The following DNAH2 variants were observed in gnomAD, a reference collection of about 807,000 sequenced individuals.
DNAH2 encodes axonemal beta dynein heavy chain 2.
A neutral mutation model predicts 523.5 loss-of-function variants in DNAH2; 323 were observed. That is an observed-to-expected ratio of 0.62 (90% CI 0.56 to 0.68). The LOEUF (loss-of-function observed/expected upper bound fraction) is 0.68, where lower values mean the gene tolerates loss of function less well. DNAH2 is among the 30% of genes least tolerant of loss of function. The probability of loss-of-function intolerance (pLI) is 0.00; values close to 1 mark genes in which losing one functional copy is unlikely to be tolerated. For missense variants in DNAH2, 4,907 were observed against 5,701.5 expected (o/e 0.86, Z 4.49); for synonymous variants, 2,093 against 2,177.4 (o/e 0.96, Z 1.08).
intron 61 of DNAH2, among the ~76,000 whole-genome samples, chr17:7,806,726 A>G (rs537680056): frequency 6.6e-6 from 1 of 151,444 alleles, no homozygotes; most frequent in South Asian, 2.1e-4. Flanking sequence ...GAATGCCCTC[A>G]GGCCCCCAGA....
rs71159523 is a variant in DNAH2, at chr17:7,721,004, C to CTTT, written c.166+1124_166+1126dup. ...GCTCCAAGCTTTCTTTTCTTTCTTT[C>CTTT]TTTTTTTTTTTTTTTTTTTTTTGAG... is the stretch of plus-strand genomic sequence containing the variant. On this transcript the variant is annotated intron_variant, in intron 2 of 85. Transcript: ENST00000572933. Among the ~76,000 whole-genome samples the CTTT allele has an allele frequency of 3.5e-3, 389 of 109,662 alleles. 1 individual carries two copies. Among genetic ancestry groups the CTTT allele is most frequent in the African/African-American group, 4.9e-3 (151 of 30,546 alleles). 71.9% of individuals were successfully genotyped at this position (109,662 alleles called of 152,430 possible).
In DNAH2 at chr17:7,830,257, G is replaced by A. The variant is rs773479533; in HGVS notation, c.11854-43G>A. On this transcript the variant is annotated intron_variant, in intron 77 of 85. Transcript: ENST00000572933. ...ATGGCAGTGCTAGTGGCAGGTCTGA[G>A]TGTGATGCATGTCACCCCATCTTTA... 3.8e-6 allele frequency: 6 copies of A among 1,575,260 alleles called. No homozygotes were observed. The Admixed American group carries it at 5.2e-5, about 14-fold the overall frequency.
chr17:7,732,884 G>A (rs1386961969), intron 4 of DNAH2, among the ~76,000 whole-genome samples: 1 of 152,110 alleles, frequency 6.6e-6, no homozygotes, highest in Non-Finnish European at 1.5e-5. Flanking sequence ...CTACTCTCAA[G>A]GCATACTCTC....
In DNAH2 at chr17:7,804,481, C is replaced by T; in HGVS notation, c.9183+15C>T. On this transcript the variant is annotated intron_variant, in intron 59 of 85. Coordinates refer to ENST00000572933, the MANE Select transcript of DNAH2 (RefSeq NM_020877.5). ...AGCAGCAGAAGGTCCAGGGCCCACG[C>T]CCACCCCCCGTGCCCCACTCCCACC... 2 of 1,610,880 alleles carry T rather than the reference C, an allele frequency of 1.2e-6. No individual in the cohort carries two copies. Among genetic ancestry groups the T allele is most frequent in the Non-Finnish European group, 1.7e-6 (2 of 1,179,110 alleles).
At chr17:7,721,235 G>T (rs1411759346) in intron 2 of DNAH2, among the ~76,000 whole-genome samples, 1 of 151,792 alleles carries the variant, frequency 6.6e-6, no homozygotes, top group East Asian at 1.9e-4. Context: ...GTGCAGTGGT[G>T]CGATCTCAGT....
At position 7,765,559 on chromosome 17, in the gene DNAH2, T is replaced by C. The variant is rs746244952; in HGVS notation, c.3505T>C (p.Phe1169Leu). ...KAHTLLEDFEFKGHFTSNVGY... is the reference protein window; with the variant it reads ...KAHTLLEDFELKGHFTSNVGY... ...ACATACACTTCTGGAAGATTTCGAA[T>C]TCAAAGGTACTCCTTGATCCACCTC... is the stretch of plus-strand genomic sequence containing the variant. The change falls in exon 21 of 86, where the codon TTC (phenylalanine) becomes CTC (leucine). Residue 1169 changes from phenylalanine (F) to leucine (L), a missense_variant. Transcript: ENST00000572933. 6.8e-6 allele frequency: 11 copies of C among 1,612,782 alleles called. No individual in the cohort carries two copies. The South Asian group carries it at 1.1e-4, about 16-fold the overall frequency.
chr17:7,734,451 T>A lies in DNAH2; in HGVS notation c.740-19T>A. The A allele has an allele frequency of 6.2e-7, 1 of 1,611,890 alleles. No individual in the cohort carries two copies. The highest frequency in any genetic ancestry group is 8.5e-7 in the Non-Finnish European group (1 of 1,178,944). The stretch of plus-strand genomic sequence containing the variant: ...AGCAGTGTGAAGAAACGAAGGAGAT[T>A]TTGTACTCTCCCCTGCAGCCTCCAT... On this transcript the variant is annotated intron_variant, in intron 6 of 85. Transcript: ENST00000572933.
chr17:7,813,940 A>C (rs1176398106), intron 63 of DNAH2, among the ~76,000 whole-genome samples: 1 of 152,082 alleles, frequency 6.6e-6, no homozygotes, highest in Admixed American at 6.5e-5. Context: ...TATTCAAAAA[A>C]ATATGTGAGT....
In DNAH2 at chr17:7,818,312, G is replaced by A. The variant is rs2077743373; in HGVS notation, c.10388G>A (p.Gly3463Asp). 2 of 1,613,922 alleles carry A rather than the reference G, an allele frequency of 1.2e-6. No individual in the cohort carries two copies. The highest frequency in any genetic ancestry group is 1.1e-5 in the South Asian group (1 of 91,068). The change falls in exon 69 of 86, where the codon GGT becomes GAT. Residue 3463 changes from glycine to aspartate, a missense_variant and splice_region_variant. By Grantham distance (94) the Gly-to-Asp change is moderately conservative. Coordinates refer to ENST00000572933, the MANE Select transcript of DNAH2 (RefSeq NM_020877.5). ...GCCCCTGACCCTTCCGTGGATGCAG[G>A]TGGTCGGCTGTTGATGCGCATTGGC... ...PMLNKSVARI[G>D]GRLLMRIGDK...
chr17:7,739,769 G>T lies in DNAH2; in HGVS notation c.1207G>T (p.Asp403Tyr), dbSNP rs1469022446. 1 of 1,613,718 alleles carries T rather than the reference G, an allele frequency of 6.2e-7. No homozygotes were observed. The highest frequency in any genetic ancestry group is 1.3e-5 in the African/African-American group (1 of 74,908). The change falls in exon 9 of 86, where the codon GAT becomes TAT. Residue 403 changes from aspartate to tyrosine, a missense_variant. By Grantham distance (160) the Asp-to-Tyr change is radical (BLOSUM62 -3). This residue lies in a region of DNAH2 where 2,806 missense variants were observed against 3,190.8 expected (regional missense o/e 0.88). Transcript: ENST00000572933. ...TCAGTATCACTTCGCCCGCTGGGAA[G>T]ATGGCAAGCAGGGTCCCCTTCCTTG... ...DCQYHFARWE[D>Y]GKQGPLPCFF...
intron 4 of DNAH2, among the ~76,000 whole-genome samples, chr17:7,727,845 T>C (rs947790138): frequency 4.6e-5 from 7 of 151,362 alleles, no homozygotes; most frequent in Admixed American, 2.0e-4. Flanking sequence ...TTTGTGATCA[T>C]GGGCAAAGCT....
At chr17:7,724,609 ACT>A (rs1222609398) in intron 3 of DNAH2, among the ~76,000 whole-genome samples, 4 of 152,024 alleles carry the variant, frequency 2.6e-5, no homozygotes, top group Non-Finnish European at 1.5e-5. Flanking sequence ...TAAGAGCAAA[ACT>A]CTGTCTCAAA....
At chr17:7,720,744 A>C (rs991715922) in intron 2 of DNAH2, among the ~76,000 whole-genome samples, 1 of 152,188 alleles carries the variant, frequency 6.6e-6, no homozygotes, top group Non-Finnish European at 1.5e-5. Flanking sequence ...TCCCTGGGCC[A>C]TAAGAACTTG....
At chr17:7,744,104 G>A (rs978449014) in intron 12 of DNAH2, among the ~76,000 whole-genome samples, 2 of 151,958 alleles carry the variant, frequency 1.3e-5, no homozygotes, top group Non-Finnish European at 2.9e-5. Flanking sequence ...CTTGAGCCTG[G>A]CCAGCATGGC....
At chr17:7,763,012 G>T (rs1422010139) in intron 18 of DNAH2, among the ~76,000 whole-genome samples, 3 of 151,364 alleles carry the variant, frequency 2.0e-5, no homozygotes, top group African/African-American at 7.3e-5. Context: ...GTCTCACCCT[G>T]TCACCCAGGC....
At chr17:7,736,095 T>C (rs1363980455) in intron 7 of DNAH2, among the ~76,000 whole-genome samples, 1 of 151,648 alleles carries the variant, frequency 6.6e-6, no homozygotes, top group African/African-American at 2.4e-5. Flanking sequence ...CACTATGTTG[T>C]CCAGGCTGGT....
rs567760969 is a variant in DNAH2 at position 7,740,013 on chromosome 17, G to A, written c.1376+75G>A. 7.9e-6 allele frequency: 11 copies of A among 1,384,070 alleles called. No homozygotes were observed. The African/African-American group carries it at 8.9e-5, about 11-fold the overall frequency. The allele number at this position is 1,384,070 out of a possible 1,614,324, so 85.7% of individuals were successfully genotyped here. A position where few individuals can be genotyped will look rare whatever the true frequency, so the allele number is the denominator to read the frequency against. ...GGCAGCCAAGAGTGGGAGGAGTGGCGAGAGTATGCAAAGGAAATGGTGGAA... is the reference window on the plus strand; with the variant it reads ...GGCAGCCAAGAGTGGGAGGAGTGGCAAGAGTATGCAAAGGAAATGGTGGAA... On this transcript the variant is annotated intron_variant, in intron 9 of 85. Coordinates refer to ENST00000572933, the MANE Select transcript of DNAH2 (RefSeq NM_020877.5).
chr17:7,809,436 C>T (rs1424482464), intron 63 of DNAH2, among the ~76,000 whole-genome samples: 1 of 152,154 alleles, frequency 6.6e-6, no homozygotes, highest in East Asian at 1.9e-4. Context: ...AACGGGGCTT[C>T]TCTCTGCACC....
chr17:7,821,128 G>C lies in DNAH2; in HGVS notation c.11016-115G>C. 1 of 1,426,650 alleles carries C rather than the reference G, an allele frequency of 7.0e-7. No individual in the cohort carries two copies. Among genetic ancestry groups the C allele is most frequent in the Non-Finnish European group, 9.4e-7 (1 of 1,067,818 alleles). The allele number at this position is 1,426,650 out of a possible 1,614,324, so 88.4% of individuals were successfully genotyped here. A position where few individuals can be genotyped will look rare whatever the true frequency, so the allele number is the denominator to read the frequency against. On this transcript the variant is annotated intron_variant, in intron 72 of 85. Transcript: ENST00000572933. The surrounding 1 kb of genome is among the most constrained non-coding windows in gnomAD (Gnocchi z 5.0). Reference sequence around the variant, plus strand: ...AGCTGTTTCCAGGAGGTTAGGATTAGAGGCTGGTGAGGTCCTCTGTGTGAA... The same window carrying C: ...AGCTGTTTCCAGGAGGTTAGGATTACAGGCTGGTGAGGTCCTCTGTGTGAA...
Sources: gnomAD v4.1 joint callset for allele counts (sites outside exome capture counted in the v4.1 genomes callset) on GRCh38, gnomAD v4.1.1 for gene constraint, gnomAD v4.1.1 regional missense constraint, Gnocchi (gnomAD v3.1) non-coding constraint, MANE v1.5 for transcripts, NCBI Gene and HGNC (gene_info 2026-07-23, HGNC 2026-07-21) for gene names.